Variants in CSMD3 observed in about 807,000 individuals in gnomAD.
The protein encoded by CSMD3 is CUB and sushi domain-containing protein 3.
In CSMD3, 177 loss-of-function variants were observed where a neutral mutation model predicts 435.2. The observed-to-expected ratio is 0.41, with a 90% CI of 0.36 to 0.46. The LOEUF is 0.46. CSMD3 is among the 20% of genes least tolerant of loss of function. The probability of loss-of-function intolerance (pLI) is 0.34; values close to 1 mark genes in which losing one functional copy is unlikely to be tolerated. For synonymous variants in CSMD3, 1,656 were observed against 1,520.5 expected, an observed-to-expected ratio of 1.09 and a Z score of -2.07; for missense variants, 4,265 against 4,504.6, an observed-to-expected ratio of 0.95 and a Z score of 1.52.
intron 5 of CSMD3, among the ~76,000 whole-genome samples, chr8:113,040,844 A>T (rs1587947760): frequency 6.6e-6 from 1 of 152,142 alleles, no homozygotes; most frequent in Admixed American, 6.5e-5. Flanking sequence ...TAAATAGAAG[A>T]CCAATAACTT....
rs530655884 is a variant in CSMD3, at chr8:112,511,908, C to T, written c.4757-5079G>A. Reference sequence around the variant, plus strand: ...CAGCATCTTTACCAGAAGTGGATTCCATCTCAACAAATCACTTTCTTTTCC... The same window carrying T: ...CAGCATCTTTACCAGAAGTGGATTCTATCTCAACAAATCACTTTCTTTTCC... On this transcript the variant is annotated intron_variant, in intron 28 of 70. Coordinates refer to ENST00000297405, the MANE Select transcript of CSMD3 (RefSeq NM_198123.2). Among the ~76,000 whole-genome samples, 9 of 152,214 alleles carry T rather than the reference C, an allele frequency of 5.9e-5. No homozygotes were observed. In the East Asian group the frequency reaches 1.5e-3, roughly 26 times the overall value.
chr8:113,406,466 G>A (rs2129706084), intron 1 of CSMD3, among the ~76,000 whole-genome samples: 1 of 152,104 alleles, frequency 6.6e-6, no homozygotes, highest in African/African-American at 2.4e-5. Flanking sequence ...GTAAGTTACT[G>A]CACTAACAAT....
chr8:112,375,164 T>C lies in CSMD3; in HGVS notation c.6136+5188A>G, dbSNP rs77244055. Among the ~76,000 whole-genome samples, 673 of 152,230 alleles carry C rather than the reference T, an allele frequency of 4.4e-3. 6 individuals carry two copies. The highest frequency in any genetic ancestry group is 0.016 in the African/African-American group (648 of 41,574). On this transcript the variant is annotated intron_variant, in intron 38 of 70. Transcript: ENST00000297405. ...TTAATTTAGAGGACAGTGGCTTTCT[T>C]TGATTGCTTGTTTTATAGAAATAAC...
At chr8:112,453,540 G>A (rs1444135120) in intron 32 of CSMD3, among the ~76,000 whole-genome samples, 5 of 152,026 alleles carry the variant, frequency 3.3e-5, no homozygotes, top group Non-Finnish European at 7.4e-5. Flanking sequence ...AAAATACCTA[G>A]AAATAATCTA....
At chr8:112,824,352 T>G (rs2079615261) in intron 12 of CSMD3, among the ~76,000 whole-genome samples, 1 of 152,212 alleles carries the variant, frequency 6.6e-6, no homozygotes, top group Admixed American at 6.5e-5. Context: ...ATCATGACGC[T>G]ATCTGGTTAT....
intron 60 of CSMD3, among the ~76,000 whole-genome samples, chr8:112,264,618 A>G (rs1311575379): frequency 2.0e-5 from 3 of 152,118 alleles, no homozygotes; most frequent in African/African-American, 7.2e-5. Context: ...TCATTTACTA[A>G]CTGTATATTT....
chr8:112,683,509 A>C (rs984283372), intron 15 of CSMD3, among the ~76,000 whole-genome samples: 3 of 152,038 alleles, frequency 2.0e-5, no homozygotes, highest in Non-Finnish European at 4.4e-5. Flanking sequence ...ATATTTAGCC[A>C]AGTTACAGCA....
chr8:112,281,981 A>G (rs62514390), intron 58 of CSMD3, among the ~76,000 whole-genome samples: 28,658 of 152,012 alleles, frequency 0.19, 3,118 homozygotes, highest in Middle Eastern at 0.34. Flanking sequence ...ATGTCTTTTT[A>G]TGATTAACTA....
At chr8:113,312,484 T>C (rs998857610) in intron 2 of CSMD3, 2 of 152,140 alleles carry the variant, frequency 1.3e-5, no homozygotes, top group Non-Finnish European at 2.9e-5. Flanking sequence ...GAACAATAAA[T>C]TTATTTTCCT....
chr8:113,174,831 A>T (rs1167813323), intron 3 of CSMD3, among the ~76,000 whole-genome samples: 2 of 151,954 alleles, frequency 1.3e-5, no homozygotes, highest in Middle Eastern at 3.6e-3. Context: ...GAACTAAAAG[A>T]TATTCCAATT....
At chr8:112,311,304 C>A in intron 49 of CSMD3, 138 bp from the exon 50 acceptor site, 1 of 707,402 alleles carries the variant, frequency 1.4e-6, no homozygotes, top group Non-Finnish European at 2.5e-6. Flanking sequence ...ATATGAACAA[C>A]ATATTGTGCT....
At chr8:112,968,891 A>G (rs1432292899) in intron 7 of CSMD3, among the ~76,000 whole-genome samples, 1 of 152,012 alleles carries the variant, frequency 6.6e-6, no homozygotes, top group Non-Finnish European at 1.5e-5. Context: ...GATGATGCTT[A>G]TTAAGATTTT....
intron 5 of CSMD3, among the ~76,000 whole-genome samples, chr8:113,050,052 A>C (rs1375672302): frequency 2.0e-5 from 3 of 152,106 alleles, no homozygotes; most frequent in African/African-American, 7.2e-5. Context: ...AAATAAAAAC[A>C]TTGTTGCTTC....
chr8:112,860,869 A>G lies in CSMD3; in HGVS notation c.1634-1603T>C, dbSNP rs553064109. Among the ~76,000 whole-genome samples, 193 of 141,076 alleles carry G rather than the reference A, an allele frequency of 1.4e-3. 1 individual carries two copies. Among genetic ancestry groups the G allele is most frequent in the African/African-American group, 4.5e-3 (171 of 38,066 alleles). 92.6% of individuals were successfully genotyped at this position (141,076 alleles called of 152,430 possible). ...TTAACCTTCTCTTTTCTATTTGTTC[A>G]ATGGTTTCTCTGAATAGTTAAACTA... On this transcript the variant is annotated intron_variant, in intron 10 of 70. Transcript: ENST00000297405.
At chr8:113,364,161 C>T (rs575811897) in intron 1 of CSMD3, among the ~76,000 whole-genome samples, 1 of 152,100 alleles carries the variant, frequency 6.6e-6, no homozygotes, top group East Asian at 1.9e-4. Context: ...GAGCCATTGG[C>T]TTACTTATCC....
chr8:113,046,377 A>C (rs1484173679), intron 5 of CSMD3, among the ~76,000 whole-genome samples: 3 of 149,710 alleles, frequency 2.0e-5, no homozygotes, highest in Non-Finnish European at 4.5e-5. Context: ...AACAACAATA[A>C]CAAAACAAAA....
intron 32 of CSMD3, among the ~76,000 whole-genome samples, chr8:112,472,235 T>G (rs1371029307): frequency 6.6e-6 from 1 of 152,208 alleles, no homozygotes; most frequent in Non-Finnish European, 1.5e-5. Context: ...AGTTCAATAT[T>G]TGACTTAATA....
At chr8:112,706,651 A>G (rs1466037765) in intron 13 of CSMD3, among the ~76,000 whole-genome samples, 1 of 152,048 alleles carries the variant, frequency 6.6e-6, no homozygotes, top group Non-Finnish European at 1.5e-5. Flanking sequence ...TAGGTAAGAC[A>G]CGAGACTAGA....
chr8:113,296,837 T>C (rs2132559495), intron 2 of CSMD3, among the ~76,000 whole-genome samples: 2 of 152,196 alleles, frequency 1.3e-5, no homozygotes, highest in East Asian at 3.9e-4. Flanking sequence ...AGTTGCCCCA[T>C]CACGAAAACC....
Sources: gnomAD v4.1 joint callset for allele counts (sites outside exome capture counted in the v4.1 genomes callset) on GRCh38, gnomAD v4.1.1 for gene constraint, MANE v1.5 for transcripts, NCBI Gene and HGNC (gene_info 2026-07-23, HGNC 2026-07-21) for gene names.